The following SPATA2L variants were observed in gnomAD, a reference collection of about 807,000 sequenced individuals.
SPATA2L encodes the protein spermatogenesis-associated protein 2-like protein.
Under a neutral mutation model 8.7 loss-of-function variants are expected in SPATA2L, and 5 were observed. That is an observed-to-expected ratio of 0.57 (90% CI 0.30 to 1.21). The LOEUF (loss-of-function observed/expected upper bound fraction) is 1.21. Among genes scored for constraint, SPATA2L ranks in the 50% most tolerant of loss-of-function variants. The pLI, the probability that SPATA2L is intolerant of heterozygous loss-of-function variation, is 0.07. For synonymous variants in SPATA2L, 358 were observed against 275.8 expected (o/e 1.30, Z -2.95); for missense variants, 671 against 591.0 (o/e 1.14, Z -1.40).
chr16:89,697,252 C>A lies in SPATA2L; in HGVS notation c.*82G>T. ...AGGACTCCCCCAGGGACAAGGCAAC[C>A]AGAGGCCCAGACCCCTCCCCAGCAA... On this transcript the variant is annotated 3_prime_UTR_variant, in exon 3 of 3. Coordinates refer to ENST00000289805, the MANE Select transcript of SPATA2L (RefSeq NM_152339.4). The A allele has an allele frequency of 7.0e-7, 1 of 1,422,364 alleles. No individual in the cohort carries two copies. Among genetic ancestry groups the A allele is most frequent in the Non-Finnish European group, 9.2e-7 (1 of 1,092,186 alleles). The allele number at this position is 1,422,364 out of a possible 1,614,324, so 88.1% of individuals were successfully genotyped here. A position where few individuals can be genotyped will look rare whatever the true frequency, so the allele number is the denominator to read the frequency against.
Position 89,701,118 on chromosome 16 carries a change from G to T in SPATA2L, c.115C>A (p.Leu39Met). ...CCGTGCAGGTCGAAGTCCTCCACCA[G>T]GATCTGCCAGAGCACCGCGCGCAGC... ...PSLRAVLWQI[L>M]VEDFDLHGAL... Residue 39 changes from leucine to methionine, a missense_variant, in exon 2 of 3, where the codon CTG (leucine) becomes ATG (methionine). Physicochemically the swap from Leu to Met is conservative, Grantham distance 15 (BLOSUM62 2). Coordinates refer to ENST00000289805, the MANE Select transcript of SPATA2L (RefSeq NM_152339.4). The T allele has an allele frequency of 6.4e-7, 1 of 1,551,798 alleles. No individual in the cohort carries two copies. Among genetic ancestry groups the T allele is most frequent in the East Asian group, 2.5e-5 (1 of 40,814 alleles).
chr16:89,699,127 C>T (rs181225964), intron 2 of SPATA2L, among the ~76,000 whole-genome samples: 1 of 152,232 alleles, frequency 6.6e-6, no homozygotes, highest in African/African-American at 2.4e-5. Context: ...AATACATTAA[C>T]CTAGCTCACA....
chr16:89,698,004 C>A lies in SPATA2L; in HGVS notation c.605G>T (p.Arg202Leu). ...VASCVAWLQQ[R>L]LAQDEEPPPL... ...TGGCGGCTCCTCATCCTGGGCCAGC[C>A]GCTGCTGCAGCCAGGCCACACAGGA... The change falls in exon 3 of 3, where the codon CGG becomes CTG. Residue 202 changes from arginine to leucine, a missense_variant. Transcript: ENST00000289805. 1 of 1,600,834 alleles carries A rather than the reference C, an allele frequency of 6.2e-7. No individual in the cohort carries two copies. The highest frequency in any genetic ancestry group is 8.5e-7 in the Non-Finnish European group (1 of 1,177,436).
In SPATA2L at chr16:89,698,386, G is replaced by T. The variant is rs1045618227; in HGVS notation, c.304-81C>A. The T allele has an allele frequency of 1.3e-5, 19 of 1,461,232 alleles. 1 individual carries two copies. The African/African-American group carries it at 2.7e-4, about 21-fold the overall frequency. 90.5% of individuals were successfully genotyped at this position (1,461,232 alleles called of 1,614,324 possible). A position where few individuals can be genotyped will look rare whatever the true frequency, so the allele number is the denominator to read the frequency against. The stretch of plus-strand genomic sequence containing the variant: ...GGGTACAGTGGGTCCGGGATCTGTT[G>T]GCTCAGGCCTTGGCAGCTTCTGATG... On this transcript the variant is annotated intron_variant, in intron 2 of 2. Coordinates refer to ENST00000289805, the MANE Select transcript of SPATA2L (RefSeq NM_152339.4).
At position 89,698,113 on chromosome 16, in the gene SPATA2L, C is replaced by T; in HGVS notation, c.496G>A (p.Gly166Ser). ...FALRLECEIL[G>S]EVLAQLGTSV... ...GTGCCCAGCTGGGCCAGCACCTCAC[C>T]CAGGATCTCACACTCCAGCCGGAGG... The change falls in exon 3 of 3, where the codon GGT becomes AGT. Residue 166 changes from glycine (G) to serine (S), a missense_variant. Coordinates refer to ENST00000289805, the MANE Select transcript of SPATA2L (RefSeq NM_152339.4). 2.5e-6 allele frequency: 4 copies of T among 1,606,260 alleles called. No individual in the cohort carries two copies. The highest frequency in any genetic ancestry group is 2.5e-6 in the Non-Finnish European group (3 of 1,177,694).
At chr16:89,699,478 G>A (rs571445782) in intron 2 of SPATA2L, among the ~76,000 whole-genome samples, 9 of 152,182 alleles carry the variant, frequency 5.9e-5, no homozygotes, top group African/African-American at 1.7e-4. Flanking sequence ...GGGGTGACAC[G>A]TCTGTTTTCA....
rs764329309 is a variant in SPATA2L at position 89,697,681 on chromosome 16, G to C, written c.928C>G (p.Leu310Val). 4.3e-6 allele frequency: 7 copies of C among 1,611,734 alleles called. No individual in the cohort carries two copies. Among genetic ancestry groups the C allele is most frequent in the Non-Finnish European group, 5.9e-6 (7 of 1,179,808 alleles). The change falls in exon 3 of 3, where the codon CTC becomes GTC. Residue 310 changes from leucine (L) to valine (V), a missense_variant. Physicochemically the swap from Leu to Val is conservative, Grantham distance 32 (BLOSUM62 1). Coordinates refer to ENST00000289805, the MANE Select transcript of SPATA2L (RefSeq NM_152339.4). ...CTACTCAGCTCACGGCGCAGAGAGA[G>C]GAAGGAGAAGGCGGAAGGTTCAGGT... ...LEPEPSAFSF[L>V]SLRRELSRPG...
At chr16:89,699,280 A>G (rs2060759382) in intron 2 of SPATA2L, among the ~76,000 whole-genome samples, 1 of 152,234 alleles carries the variant, frequency 6.6e-6, no homozygotes, top group Non-Finnish European at 1.5e-5. Flanking sequence ...CCAAATACAG[A>G]TTTCGTTTGC....
intron 2 of SPATA2L, among the ~76,000 whole-genome samples, chr16:89,699,186 C>T (rs908534528): frequency 1.3e-5 from 2 of 152,220 alleles, no homozygotes; most frequent in Admixed American, 1.3e-4. Context: ...CCACTGTCTT[C>T]TGTCCCACCG....
intron 2 of SPATA2L, 76 bp from the exon 3 acceptor site, chr16:89,698,381 C>G: frequency 2.1e-6 from 3 of 1,457,074 alleles, no homozygotes; most frequent in Non-Finnish European, 2.7e-6. Context: ...GGTCCGGGAT[C>G]TGTTGGCTCA....
rs1205698728 is a variant in SPATA2L at position 89,696,910 on chromosome 16, ACT to A, written c.*422_*423del. Reference sequence around the variant, plus strand: ...GTGTCACCAACAGGCCCTTGAGGACACTCGTGTGGAGAATCCCTGGGACACGT... The same window carrying A: ...GTGTCACCAACAGGCCCTTGAGGACACGTGTGGAGAATCCCTGGGACACGT... On this transcript the variant is annotated 3_prime_UTR_variant, in exon 3 of 3. Coordinates refer to ENST00000289805, the MANE Select transcript of SPATA2L (RefSeq NM_152339.4). The A allele has an allele frequency of 6.5e-7, 1 of 1,529,194 alleles. No homozygotes were observed. The highest frequency in any genetic ancestry group is 8.8e-7 in the Non-Finnish European group (1 of 1,142,444). The allele number at this position is 1,529,194 out of a possible 1,614,324, so 94.7% of individuals were successfully genotyped here.
chr16:89,698,320 C>T lies in SPATA2L; in HGVS notation c.304-15G>A. The T allele has an allele frequency of 6.5e-7, 1 of 1,542,264 alleles. No individual in the cohort carries two copies. The highest frequency in any genetic ancestry group is 8.8e-7 in the Non-Finnish European group (1 of 1,140,788). On this transcript the variant is annotated splice_polypyrimidine_tract_variant and intron_variant, in intron 2 of 2. Coordinates refer to ENST00000289805, the MANE Select transcript of SPATA2L (RefSeq NM_152339.4). Reference sequence around the variant, plus strand: ...CCAGAGAAGGTCTGCAAGGGAGCGGCCAGGTCAGTGACTGCCCACCCTCCC... The same window carrying T: ...CCAGAGAAGGTCTGCAAGGGAGCGGTCAGGTCAGTGACTGCCCACCCTCCC...
Position 89,698,077 on chromosome 16 carries a change from G to C in SPATA2L, c.532C>G (p.Pro178Ala). 1.3e-6 allele frequency: 2 copies of C among 1,599,500 alleles called. No homozygotes were observed. Among genetic ancestry groups the C allele is most frequent in the Non-Finnish European group, 1.7e-6 (2 of 1,175,370 alleles). The change falls in exon 3 of 3, where the codon CCA (proline) becomes GCA (alanine). Residue 178 changes from proline (P) to alanine (A), a missense_variant. Coordinates refer to ENST00000289805, the MANE Select transcript of SPATA2L (RefSeq NM_152339.4). ...VLAQLGTSVL[P>A]AEELLQARRA... The stretch of plus-strand genomic sequence containing the variant: ...CGTGCCTGCAGCAGCTCCTCAGCTG[G>C]CAGCACACTGGTGCCCAGCTGGGCC...
intron 2 of SPATA2L, 40 bp downstream of exon 2, chr16:89,700,890 G>T: frequency 1.4e-6 from 2 of 1,407,160 alleles, no homozygotes. Context: ...CGACCCGCAG[G>T]CCAGGACGAG....
At chr16:89,700,608 A>G (rs1223615582) in intron 2 of SPATA2L, among the ~76,000 whole-genome samples, 1 of 152,216 alleles carries the variant, frequency 6.6e-6, no homozygotes, top group Non-Finnish European at 1.5e-5. Flanking sequence ...TGGGAACTCA[A>G]GTCCCTTCTG....
intron 2 of SPATA2L, 78 bp downstream of exon 2, chr16:89,700,852 G>C: frequency 7.3e-7 from 1 of 1,362,670 alleles, no homozygotes; most frequent in Non-Finnish European, 9.6e-7. Context: ...CTCTCGAAAG[G>C]CGTGGTCCCC....
Position 89,697,236 on chromosome 16 carries a change from C to A in SPATA2L, c.*98G>T, listed in dbSNP as rs2060736881. The A allele has an allele frequency of 1.4e-6, 2 of 1,410,940 alleles. No homozygotes were observed. The highest frequency in any genetic ancestry group is 1.7e-5 in the South Asian group (1 of 58,020). 87.4% of individuals were successfully genotyped at this position (1,410,940 alleles called of 1,614,324 possible). On this transcript the variant is annotated 3_prime_UTR_variant, in exon 3 of 3. Coordinates refer to ENST00000289805, the MANE Select transcript of SPATA2L (RefSeq NM_152339.4). Reference sequence around the variant, plus strand: ...ACCCCCTGCTGTGCCCAGGACTCCCCCAGGGACAAGGCAACCAGAGGCCCA... The same window carrying A: ...ACCCCCTGCTGTGCCCAGGACTCCCACAGGGACAAGGCAACCAGAGGCCCA...
rs1376212761 is a variant in SPATA2L at position 89,697,165 on chromosome 16, T to C, written c.*169A>G. 7.2e-7 allele frequency: 1 copy of C among 1,381,070 alleles called. No homozygotes were observed. Among genetic ancestry groups the C allele is most frequent in the Non-Finnish European group, 9.3e-7 (1 of 1,070,060 alleles). 85.6% of individuals were successfully genotyped at this position (1,381,070 alleles called of 1,614,324 possible). A position where few individuals can be genotyped will look rare whatever the true frequency, so the allele number is the denominator to read the frequency against. ...GGCCTGCTGCCCTTGGAGCCTTCCA[T>C]ATACAGAGAGTCCCACCTCCAGCAA... On this transcript the variant is annotated 3_prime_UTR_variant, in exon 3 of 3. Transcript: ENST00000289805.
At position 89,701,142 on chromosome 16, in the gene SPATA2L, G is replaced by C; in HGVS notation, c.91C>G (p.Leu31Val). The change falls in exon 2 of 3, where the codon CTG (leucine) becomes GTG (valine). Residue 31 changes from leucine (L) to valine (V), a missense_variant. Physicochemically the swap from Leu to Val is conservative, Grantham distance 32. Transcript: ENST00000289805. ...GRAGVCGDPSLRAVLWQILVE... is the reference protein window; with the variant it reads ...GRAGVCGDPSVRAVLWQILVE... ...AGGATCTGCCAGAGCACCGCGCGCA[G>C]CGAGGGGTCCCCGCACACGCCCGCG... The C allele has an allele frequency of 6.6e-7, 1 of 1,524,476 alleles. No individual in the cohort carries two copies. 94.4% of individuals were successfully genotyped at this position (1,524,476 alleles called of 1,614,324 possible). A position where few individuals can be genotyped will look rare whatever the true frequency, so the allele number is the denominator to read the frequency against.
Sources: gnomAD v4.1 joint callset for allele counts (sites outside exome capture counted in the v4.1 genomes callset) on GRCh38, gnomAD v4.1.1 for gene constraint, MANE v1.5 for transcripts, NCBI Gene and HGNC (gene_info 2026-07-23, HGNC 2026-07-21) for gene names.